Variants in GRM7 observed in about 807,000 individuals in gnomAD.
The protein encoded by GRM7 is metabotropic glutamate receptor 7.
Under a neutral mutation model 84.5 loss-of-function variants are expected in GRM7, and 35 were observed. That is an observed-to-expected ratio of 0.41 (90% CI 0.32 to 0.55). GRM7 has a LOEUF of 0.55. GRM7 is among the 20% of genes least tolerant of loss of function. The pLI, the probability that GRM7 is intolerant of heterozygous loss-of-function variation, is 0.19. For synonymous variants in GRM7, 487 were observed against 455.1 expected (o/e 1.07, Z -0.89); for missense variants, 1,003 against 1,194.6 (o/e 0.84, Z 2.36).
chr3:7,338,733 G>C (rs1186023192), intron 4 of GRM7, among the ~76,000 whole-genome samples: 1 of 152,014 alleles, frequency 6.6e-6, no homozygotes, highest in African/African-American at 2.4e-5. Context: ...TTCATTTGCT[G>C]TCATGATTGT....
At chr3:7,143,588 G>A (rs1454117014) in intron 1 of GRM7, among the ~76,000 whole-genome samples, 1 of 152,162 alleles carries the variant, frequency 6.6e-6, no homozygotes, top group Non-Finnish European at 1.5e-5. Flanking sequence ...AATGAGGAAA[G>A]AAATCTGTTT....
intron 8 of GRM7, among the ~76,000 whole-genome samples, chr3:7,590,356 G>C (rs1559424163): frequency 6.6e-6 from 1 of 152,124 alleles, no homozygotes; most frequent in Non-Finnish European, 1.5e-5. Flanking sequence ...TGAGTAACTT[G>C]TTTTTATAAA....
intron 1 of GRM7, among the ~76,000 whole-genome samples, chr3:7,043,231 A>G (rs1317457839): frequency 2.6e-5 from 4 of 152,126 alleles, no homozygotes; most frequent in Non-Finnish European, 5.9e-5. Flanking sequence ...CATATATTGA[A>G]GCGGGGGGAG....
At chr3:7,028,936 T>C (rs1199003558) in intron 1 of GRM7, among the ~76,000 whole-genome samples, 1 of 152,206 alleles carries the variant, frequency 6.6e-6, no homozygotes, top group African/African-American at 2.4e-5. Flanking sequence ...TGTGCACTGC[T>C]GTTGGGAATG....
intron 2 of GRM7, among the ~76,000 whole-genome samples, chr3:7,184,848 G>A (rs927286103): frequency 3.3e-5 from 5 of 151,890 alleles, no homozygotes; most frequent in African/African-American, 9.7e-5. Flanking sequence ...TTTCACTCTC[G>A]TGTTTATAAT....
intron 8 of GRM7, among the ~76,000 whole-genome samples, chr3:7,650,881 C>T (rs936164806): frequency 1.3e-5 from 2 of 152,158 alleles, no homozygotes; most frequent in African/African-American, 4.8e-5. Context: ...CTGCATCCGG[C>T]TTGCCTCATT....
At chr3:7,157,072 A>G (rs1694474354) in intron 2 of GRM7, among the ~76,000 whole-genome samples, 1 of 152,146 alleles carries the variant, frequency 6.6e-6, no homozygotes, top group Non-Finnish European at 1.5e-5. Context: ...CTCTAGTGAC[A>G]CAAGCAGCAG....
intron 1 of GRM7, among the ~76,000 whole-genome samples, chr3:6,895,996 G>C (rs992008361): frequency 6.6e-6 from 1 of 152,024 alleles, no homozygotes; most frequent in African/African-American, 2.4e-5. Flanking sequence ...AATGTTTTGA[G>C]TCTATAATGA....
chr3:7,105,926 TC>T (rs1692616038), intron 1 of GRM7, among the ~76,000 whole-genome samples: 1 of 151,970 alleles, frequency 6.6e-6, no homozygotes, highest in East Asian at 1.9e-4. Context: ...CTTTCAAATG[TC>T]CCCATTTGGA....
At chr3:7,142,195 G>A (rs547946548) in intron 1 of GRM7, among the ~76,000 whole-genome samples, 1 of 151,950 alleles carries the variant, frequency 6.6e-6, no homozygotes, top group Admixed American at 6.6e-5. Context: ...AGGGAGGATG[G>A]AAGGAAGGGA....
At chr3:6,898,402 CAA>C (rs58548226) in intron 1 of GRM7, among the ~76,000 whole-genome samples, 24,828 of 101,684 alleles carry the variant, frequency 0.24, 2,014 homozygotes, top group East Asian at 0.27. Flanking sequence ...GGCACAAAGA[CAA>C]AAAAAAAAAA....
rs777440646 is a variant in GRM7 at position 7,146,500 on chromosome 3, C to G, written c.568C>G (p.Arg190Gly). 1.2e-6 allele frequency: 2 copies of G among 1,613,880 alleles called. No homozygotes were observed. Among genetic ancestry groups the G allele is most frequent in the Admixed American group, 1.7e-5 (1 of 59,998 alleles). ...ASTAPELSDD[R>G]RYDFFSRVVP... ...AACGGCACCCGAGCTAAGTGATGAC[C>G]GGCGCTATGACTTCTTCTCTCGCGT... The change falls in exon 2 of 10, where the codon CGG becomes GGG. Residue 190 changes from arginine (R) to glycine (G), a missense_variant. Transcript: ENST00000357716.
chr3:6,899,610 A>G (rs1559316595), intron 1 of GRM7, among the ~76,000 whole-genome samples: 1 of 152,226 alleles, frequency 6.6e-6, no homozygotes, highest in South Asian at 2.1e-4. Context: ...CAAGTTACTC[A>G]TAGGCCTTCT....
intron 4 of GRM7, among the ~76,000 whole-genome samples, chr3:7,375,528 C>T (rs758024416): frequency 7.2e-5 from 11 of 152,000 alleles, no homozygotes; most frequent in Non-Finnish European, 1.5e-4. Flanking sequence ...CCCTTCTTTA[C>T]ATATGTTTCC....
intron 1 of GRM7, among the ~76,000 whole-genome samples, chr3:7,102,247 T>TTTGTCTG (rs1699136577): frequency 1.3e-5 from 2 of 151,800 alleles, no homozygotes; most frequent in Non-Finnish European, 2.9e-5. Flanking sequence ...GATGATATTT[T>TTTGTCTG]ATTTTCAGTG....
At chr3:7,571,569 A>G (rs563727457) in intron 7 of GRM7, among the ~76,000 whole-genome samples, 3 of 152,282 alleles carry the variant, frequency 2.0e-5, no homozygotes, top group Admixed American at 2.0e-4. Context: ...CATTGTCCAT[A>G]TCATTATCAG....
rs199854358 is a variant in GRM7 at position 7,579,045 on chromosome 3, G to A, written c.2139G>A (p.Gln713=). Reference sequence around the variant, plus strand: ...TCACTTCCAGTTTAATATCAGTTCAGCTTCTAGGGGTGTTCATTTGGTTTG... The same window carrying A: ...TCACTTCCAGTTTAATATCAGTTCAACTTCTAGGGGTGTTCATTTGGTTTG... ...LAITSSLISV[Q]LLGVFIWFGV... is the part of the protein sequence containing the mutation. The change falls in exon 8 of 10, where the codon CAG becomes CAA. Residue 713 remains glutamine, a synonymous_variant. Coordinates refer to ENST00000357716, the MANE Select transcript of GRM7 (RefSeq NM_000844.4). The A allele has an allele frequency of 6.2e-7, 1 of 1,614,054 alleles. No homozygotes were observed. The highest frequency in any genetic ancestry group is 8.5e-7 in the Non-Finnish European group (1 of 1,180,000).
chr3:7,329,055 G>A (rs796686055), intron 4 of GRM7, among the ~76,000 whole-genome samples: 1 of 150,708 alleles, frequency 6.6e-6, no homozygotes, highest in Non-Finnish European at 1.5e-5. Flanking sequence ...CCACCCCTTA[G>A]TTTAAAACCT....
At chr3:7,345,428 C>T (rs753340441) in intron 4 of GRM7, among the ~76,000 whole-genome samples, 4 of 151,772 alleles carry the variant, frequency 2.6e-5, no homozygotes, top group African/African-American at 4.8e-5. Flanking sequence ...TACAGGCACC[C>T]GCCACCATGC....
Sources: allele counts gnomAD v4.1 joint callset (sites outside exome capture counted in the v4.1 genomes callset), GRCh38; gene constraint gnomAD v4.1.1; transcripts MANE v1.5; gene names NCBI Gene and HGNC (gene_info 2026-07-23, HGNC 2026-07-21).